Variants in VPS13B observed in about 807,000 individuals in gnomAD.
The protein encoded by VPS13B is intermembrane lipid transfer protein VPS13B.
A neutral mutation model predicts 426.4 loss-of-function variants in VPS13B; 285 were observed. The observed-to-expected ratio is 0.67, with a 90% CI of 0.61 to 0.74. The LOEUF (loss-of-function observed/expected upper bound fraction) is 0.74, where lower values mean the gene tolerates loss of function less well. VPS13B is among the 30% of genes least tolerant of loss of function. The pLI, the probability that VPS13B is intolerant of heterozygous loss-of-function variation, is 0.00. For missense variants in VPS13B, 4,537 were observed against 4,782.6 expected (o/e 0.95, Z 1.51); for synonymous variants, 1,676 against 1,676.4 (o/e 1.00, Z 0.01).
intron 31 of VPS13B, among the ~76,000 whole-genome samples, chr8:99,574,954 A>G (rs903807240): frequency 3.9e-5 from 6 of 152,154 alleles, no homozygotes; most frequent in South Asian, 2.1e-4. Context: ...GCTTGAGCCT[A>G]GGAGTTCAAG....
At chr8:99,852,746 T>G (rs1319269968) in intron 55 of VPS13B, among the ~76,000 whole-genome samples, 1 of 152,136 alleles carries the variant, frequency 6.6e-6, no homozygotes, top group African/African-American at 2.4e-5. Context: ...GAACACACTT[T>G]AGAGTTTCTG....
intron 19 of VPS13B, among the ~76,000 whole-genome samples, chr8:99,285,083 C>T (rs1435934664): frequency 6.6e-6 from 1 of 152,104 alleles, no homozygotes; most frequent in Non-Finnish European, 1.5e-5. Context: ...CTCAACATCC[C>T]AGTTAATGGA....
intron 55 of VPS13B, among the ~76,000 whole-genome samples, chr8:99,852,916 T>A (rs925741631): frequency 6.6e-6 from 1 of 151,884 alleles, no homozygotes; most frequent in Non-Finnish European, 1.5e-5. Context: ...TGTCTTTGAG[T>A]AGGTGAGAGC....
At chr8:99,135,964 A>C (rs1195556627) in intron 11 of VPS13B, among the ~76,000 whole-genome samples, 1 of 152,088 alleles carries the variant, frequency 6.6e-6, no homozygotes, top group Non-Finnish European at 1.5e-5. Flanking sequence ...CCTGCTTCAA[A>C]AATAATCGTG....
chr8:99,315,725 C>T (rs920278409), intron 19 of VPS13B, among the ~76,000 whole-genome samples: 4 of 151,980 alleles, frequency 2.6e-5, no homozygotes, highest in Non-Finnish European at 5.9e-5. Flanking sequence ...CAAGCTCCGC[C>T]TCCCGGGTTC....
At chr8:99,752,770 C>T (rs1262256702) in intron 39 of VPS13B, among the ~76,000 whole-genome samples, 3 of 152,128 alleles carry the variant, frequency 2.0e-5, no homozygotes, top group Non-Finnish European at 4.4e-5. Flanking sequence ...TATTATCTAC[C>T]TCTGAATGTA....
intron 17 of VPS13B, among the ~76,000 whole-genome samples, chr8:99,272,665 A>G (rs1269371947): frequency 6.6e-6 from 1 of 152,006 alleles, no homozygotes; most frequent in African/African-American, 2.4e-5. Context: ...AAGTTTTCCA[A>G]CCATTTATTT....
At chr8:99,816,463 A>G (rs1814046241) in intron 44 of VPS13B, among the ~76,000 whole-genome samples, 1 of 152,166 alleles carries the variant, frequency 6.6e-6, no homozygotes, top group African/African-American at 2.4e-5. Flanking sequence ...GTAAAGTTGA[A>G]TAACCCATAG....
intron 40 of VPS13B, among the ~76,000 whole-genome samples, chr8:99,767,428 A>G (rs533882570): frequency 7.0e-6 from 1 of 143,652 alleles, no homozygotes; most frequent in Non-Finnish European, 1.5e-5. Flanking sequence ...GAATATTTTC[A>G]TCTTAATTGT....
intron 20 of VPS13B, among the ~76,000 whole-genome samples, chr8:99,387,279 G>A (rs1814177844): frequency 6.6e-6 from 1 of 151,854 alleles, no homozygotes. Flanking sequence ...GTGCAGTGCT[G>A]TGATCACAGG....
rs766842724 is a variant in VPS13B, at chr8:99,832,442, C to G, written c.9404C>G (p.Ser3135Cys). 1.2e-6 allele frequency: 2 copies of G among 1,603,976 alleles called. No individual in the cohort carries two copies. The highest frequency in any genetic ancestry group is 1.1e-5 in the South Asian group (1 of 90,114). The change falls in exon 52 of 62, where the codon TCC becomes TGC. Residue 3135 changes from serine to cysteine, a missense_variant. This residue lies in a region of VPS13B where 4,311 missense variants were observed against 4,474.3 expected (regional missense o/e 0.96). Coordinates refer to ENST00000357162, the MANE Select transcript of VPS13B (RefSeq NM_152564.5). ...GGEQPAMKSSSLPCWDLMPDI... is the reference protein window; with the variant it reads ...GGEQPAMKSSCLPCWDLMPDI... ...GAGCAGCCTGCTATGAAATCCAGCT[C>G]CCTTCCTTGCTGGGACTTGATGCCT...
chr8:99,671,240 T>C lies in VPS13B; in HGVS notation c.6046+9749T>C, dbSNP rs1041260647. On this transcript the variant is annotated intron_variant, in intron 35 of 61. Coordinates refer to ENST00000357162, the MANE Select transcript of VPS13B (RefSeq NM_152564.5). Reference sequence around the variant, plus strand: ...GTATTTCTCTGATGGTTAGTTATATTGAGCCCTTTTTCATATACCTGTTGG... The same window carrying C: ...GTATTTCTCTGATGGTTAGTTATATCGAGCCCTTTTTCATATACCTGTTGG... Among the ~76,000 whole-genome samples the C allele has an allele frequency of 2.0e-5, 3 of 152,200 alleles. No homozygotes were observed. The South Asian group carries it at 6.2e-4, about 32-fold the overall frequency.
intron 43 of VPS13B, among the ~76,000 whole-genome samples, chr8:99,790,855 A>G (rs1271170849): frequency 6.6e-6 from 1 of 152,160 alleles, no homozygotes; most frequent in Admixed American, 6.5e-5. Context: ...GCACAGAAGG[A>G]TAACTTGACT....
chr8:99,247,449 T>C (rs371237959), intron 17 of VPS13B, among the ~76,000 whole-genome samples: 2 of 152,222 alleles, frequency 1.3e-5, no homozygotes, highest in South Asian at 4.1e-4. Flanking sequence ...CTTGAAAATA[T>C]CTCAGTGGTC....
intron 35 of VPS13B, among the ~76,000 whole-genome samples, chr8:99,671,394 T>C (rs1357090511): frequency 6.6e-6 from 1 of 152,184 alleles, no homozygotes; most frequent in African/African-American, 2.4e-5. Flanking sequence ...ACCTCTTATA[T>C]AGTTTACAGA....
intron 17 of VPS13B, among the ~76,000 whole-genome samples, chr8:99,260,364 A>G (rs1271021440): frequency 6.6e-6 from 1 of 152,062 alleles, no homozygotes; most frequent in Non-Finnish European, 1.5e-5. Flanking sequence ...CTAAATTCCA[A>G]GTAGGAAAAA....
intron 21 of VPS13B, among the ~76,000 whole-genome samples, chr8:99,398,659 A>T (rs1221180504): frequency 1.3e-5 from 2 of 152,234 alleles, no homozygotes; most frequent in African/African-American, 4.8e-5. Context: ...GATCATAGGT[A>T]AGCAAGATAT....
chr8:99,809,296 C>T (rs1813577055), intron 43 of VPS13B, 79 bp from the exon 44 acceptor site: 1 of 1,579,298 alleles, frequency 6.3e-7, no homozygotes. Context: ...AAAGGTTTTC[C>T]AGCAATGAGA....
chr8:99,616,915 C>T (rs1828120620), intron 33 of VPS13B, among the ~76,000 whole-genome samples: 1 of 152,124 alleles, frequency 6.6e-6, no homozygotes, highest in Admixed American at 6.5e-5. Context: ...AAATAATTGA[C>T]TGAAGTGACA....
Sources: allele counts gnomAD v4.1 joint callset (sites outside exome capture counted in the v4.1 genomes callset), GRCh38; gene constraint gnomAD v4.1.1; regional missense constraint gnomAD v4.1.1; transcripts MANE v1.5; gene names NCBI Gene and HGNC (gene_info 2026-07-23, HGNC 2026-07-21).